Variants in TTLL6 observed in about 807,000 individuals in gnomAD.
The protein encoded by TTLL6 is tubulin polyglutamylase TTLL6.
In TTLL6, 75 loss-of-function variants were observed where a neutral mutation model predicts 96.4. The observed-to-expected ratio is 0.78, with a 90% CI of 0.65 to 0.94. The LOEUF is 0.94. Among genes scored for constraint, TTLL6 ranks in the 40% least tolerant of loss-of-function variants. The pLI is 0.00. For synonymous variants in TTLL6, 411 were observed against 419.4 expected, an observed-to-expected ratio of 0.98 and a Z score of 0.24; for missense variants, 1,030 against 1,093.0, an observed-to-expected ratio of 0.94 and a Z score of 0.81.
chr17:48,772,349 A>G (rs968251385), intron 13 of TTLL6, among the ~76,000 whole-genome samples: 2 of 152,122 alleles, frequency 1.3e-5, no homozygotes, highest in African/African-American at 4.8e-5. Flanking sequence ...ATAAATAAAA[A>G]TAAAGAAATA....
At chr17:48,776,668 T>C (rs1401209566) in intron 13 of TTLL6, among the ~76,000 whole-genome samples, 1 of 152,198 alleles carries the variant, frequency 6.6e-6, no homozygotes, top group Non-Finnish European at 1.5e-5. Flanking sequence ...AGAGAATATC[T>C]AAATAAATGG....
chr17:48,777,048 A>ACACC (rs553043046), intron 13 of TTLL6, among the ~76,000 whole-genome samples: 409 of 148,536 alleles, frequency 2.8e-3, no homozygotes, highest in South Asian at 7.8e-3. Flanking sequence ...ACACACACAC[A>ACACC]CCCCTAAAAA....
At chr17:48,769,373 G>A in intron 14 of TTLL6, 119 bp from the exon 15 acceptor site, 2 of 1,277,132 alleles carry the variant, frequency 1.6e-6, no homozygotes, top group Non-Finnish European at 2.1e-6. Flanking sequence ...AAAGCTCTTT[G>A]AGCCAGAATC....
Position 48,770,021 on chromosome 17 carries a change from G to A in TTLL6, c.2117C>T (p.Ala706Val). The A allele has an allele frequency of 6.2e-7, 1 of 1,614,202 alleles. No individual in the cohort carries two copies. The highest frequency in any genetic ancestry group is 8.5e-7 in the Non-Finnish European group (1 of 1,180,036). ...SISPKSPPTL[A>V]VTASSEYSGP... ...ACTGTACTCAGAGCTGGCGGTCACA[G>A]CCAGGGTTGGCGGAGACTTTGGGGA... The change falls in exon 14 of 16, where the codon GCT becomes GTT. Residue 706 changes from alanine (A) to valine (V), a missense_variant. Coordinates refer to ENST00000393382, the MANE Select transcript of TTLL6 (RefSeq NM_001130918.3).
intron 11 of TTLL6, among the ~76,000 whole-genome samples, 165 bp from the exon 12 acceptor site, chr17:48,786,500 T>A (rs978271466): frequency 6.6e-6 from 1 of 152,032 alleles, no homozygotes; most frequent in Non-Finnish European, 1.5e-5. Flanking sequence ...AGGAGCAGGG[T>A]GTGGAGGAAA....
intron 13 of TTLL6, among the ~76,000 whole-genome samples, chr17:48,774,100 A>C (rs28824008): frequency 0.29 from 33,210 of 114,344 alleles, 5,201 homozygotes; most frequent in Middle Eastern, 0.43. Flanking sequence ...ACAAAACAAA[A>C]AAAAAAAAAA....
chr17:48,784,869 G>A, intron 13 of TTLL6, 54 bp downstream of exon 13: 1 of 1,495,680 alleles, frequency 6.7e-7, no homozygotes, highest in African/African-American at 1.4e-5. Flanking sequence ...GTAGAGAAAG[G>A]ACCAGTAAGC....
At chr17:48,779,712 T>C (rs2038951084) in intron 13 of TTLL6, among the ~76,000 whole-genome samples, 4 of 152,182 alleles carry the variant, frequency 2.6e-5, no homozygotes, top group African/African-American at 4.8e-5. Flanking sequence ...GTAGTATATC[T>C]GTACAGTGAA....
chr17:48,781,907 A>G (rs1597972409), intron 13 of TTLL6, among the ~76,000 whole-genome samples: 2 of 152,184 alleles, frequency 1.3e-5, no homozygotes, highest in South Asian at 2.1e-4. Context: ...GCTGCCGTCT[A>G]TGAGGAATAG....
chr17:48,801,046 C>G (rs2039402331), intron 5 of TTLL6, among the ~76,000 whole-genome samples: 1 of 152,164 alleles, frequency 6.6e-6, no homozygotes, highest in Non-Finnish European at 1.5e-5. Context: ...TCCAGGGCAC[C>G]CAGCCCCTAA....
chr17:48,774,522 A>T (rs906966567), intron 13 of TTLL6, among the ~76,000 whole-genome samples: 1 of 151,980 alleles, frequency 6.6e-6, no homozygotes, highest in Non-Finnish European at 1.5e-5. Flanking sequence ...AACATTTATA[A>T]AGTAAAAAAG....
chr17:48,798,097 G>A (rs1372625256), intron 6 of TTLL6, among the ~76,000 whole-genome samples: 1 of 151,822 alleles, frequency 6.6e-6, no homozygotes, highest in Non-Finnish European at 1.5e-5. Context: ...GACAGAGTGA[G>A]ACCCTGTCTC....
chr17:48,788,322 C>T (rs2039148131), intron 10 of TTLL6, among the ~76,000 whole-genome samples: 1 of 152,226 alleles, frequency 6.6e-6, no homozygotes, highest in African/African-American at 2.4e-5. Flanking sequence ...TTCCCATTCA[C>T]AGCCCTGATT....
intron 1 of TTLL6, among the ~76,000 whole-genome samples, chr17:48,815,597 T>C (rs904552668): frequency 3.3e-5 from 5 of 152,370 alleles, no homozygotes; most frequent in Non-Finnish European, 7.3e-5. Context: ...GCTTTGAGCT[T>C]TGATTCAGAC....
At position 48,796,090 on chromosome 17, in the gene TTLL6, G is replaced by A; in HGVS notation, c.969C>T (p.Phe323=). The change falls in exon 8 of 16, where the codon TTC becomes TTT. Residue 323 remains phenylalanine (F), a synonymous_variant. Transcript: ENST00000393382. ...NYSINKHSSN[F]SRDAHSGSKR... is the part of the protein sequence containing the mutation. The stretch of plus-strand genomic sequence containing the variant: ...TACTGCCAGAGTGTGCATCTCGACT[G>A]AAATTTGAACTGTGCTTATTAATGG... 7 of 1,551,510 alleles carry A rather than the reference G, an allele frequency of 4.5e-6. No homozygotes were observed. The highest frequency in any genetic ancestry group is 6.1e-6 in the Non-Finnish European group (7 of 1,146,864).
At chr17:48,773,798 A>G (rs1401625881) in intron 13 of TTLL6, among the ~76,000 whole-genome samples, 3 of 152,082 alleles carry the variant, frequency 2.0e-5, no homozygotes, top group Non-Finnish European at 2.9e-5. Context: ...AAACTAGAAA[A>G]GTGGCTGGGT....
chr17:48,792,612 T>C (rs1363110499), intron 8 of TTLL6, among the ~76,000 whole-genome samples: 2 of 152,080 alleles, frequency 1.3e-5, no homozygotes, highest in Non-Finnish European at 2.9e-5. Context: ...CAAAGCCTCA[T>C]GCAAGGAGGG....
chr17:48,767,558 T>C (rs1056393182), intron 15 of TTLL6, among the ~76,000 whole-genome samples: 4 of 152,220 alleles, frequency 2.6e-5, no homozygotes, highest in Admixed American at 1.3e-4. Flanking sequence ...CCTCCTGCAG[T>C]GTGAGCTACT....
chr17:48,803,085 G>C lies in TTLL6; in HGVS notation c.361+806C>G, dbSNP rs4438349. On this transcript the variant is annotated intron_variant, in intron 3 of 15. Transcript: ENST00000393382. ...CTCAGGGGGCTGAGGCAAGAAAATCGCTTGAGCCCAGGAGGCAGAGGTTGC... is the reference window on the plus strand; with the variant it reads ...CTCAGGGGGCTGAGGCAAGAAAATCCCTTGAGCCCAGGAGGCAGAGGTTGC... Among the ~76,000 whole-genome samples the C allele has an allele frequency of 2.5e-4, 37 of 150,994 alleles. No homozygotes were observed. In the South Asian group the frequency reaches 2.7e-3, roughly 11 times the overall value.
Sources: allele counts gnomAD v4.1 joint callset (sites outside exome capture counted in the v4.1 genomes callset), GRCh38; gene constraint gnomAD v4.1.1; transcripts MANE v1.5; gene names NCBI Gene and HGNC (gene_info 2026-07-23, HGNC 2026-07-21).